Variants in MAGI3 observed in about 807,000 individuals in gnomAD.
MAGI3 encodes the protein membrane-associated guanylate kinase, WW and PDZ domain-containing protein 3.
A neutral mutation model predicts 121.8 loss-of-function variants in MAGI3; 43 were observed. That is an observed-to-expected ratio of 0.35 (90% CI 0.28 to 0.46). MAGI3 has a LOEUF of 0.46. Ranked by LOEUF, MAGI3 falls within the 20% of genes least tolerant of loss-of-function variation. The pLI is 1.00. For missense variants in MAGI3, 1,547 were observed against 1,797.3 expected (o/e 0.86, Z 2.52); for synonymous variants, 553 against 639.3 (o/e 0.86, Z 2.04).
intron 1 of MAGI3, among the ~76,000 whole-genome samples, chr1:113,484,092 G>T (rs982386446): frequency 6.6e-6 from 1 of 151,948 alleles, no homozygotes; most frequent in Non-Finnish European, 1.5e-5. Context: ...ATTCTAAAAG[G>T]GCATAATTAC....
chr1:113,617,484 CTAGA>C, intron 7 of MAGI3, among the ~76,000 whole-genome samples: 1 of 152,060 alleles, frequency 6.6e-6, no homozygotes, highest in East Asian at 1.9e-4. Flanking sequence ...GCATTTTAGT[CTAGA>C]TAGTCTAAGA....
At chr1:113,621,603 C>A (rs1290041717) in intron 8 of MAGI3, among the ~76,000 whole-genome samples, 2 of 151,754 alleles carry the variant, frequency 1.3e-5, no homozygotes, top group Non-Finnish European at 2.9e-5. Context: ...CAACATTATT[C>A]ATAATAGCCA....
At chr1:113,559,394 T>G (rs1347831479) in intron 2 of MAGI3, among the ~76,000 whole-genome samples, 1 of 151,792 alleles carries the variant, frequency 6.6e-6, no homozygotes, top group Non-Finnish European at 1.5e-5. Context: ...AATTCTAGTT[T>G]CAGACAAAAT....
At chr1:113,496,301 T>G (rs1656915210) in intron 1 of MAGI3, among the ~76,000 whole-genome samples, 1 of 152,224 alleles carries the variant, frequency 6.6e-6, no homozygotes, top group Non-Finnish European at 1.5e-5. Context: ...ATAAATAGAA[T>G]CATCATGTGT....
chr1:113,646,457 A>C (rs759247527), intron 11 of MAGI3, 29 bp from the exon 12 acceptor site: 2 of 1,556,540 alleles, frequency 1.3e-6, no homozygotes, highest in African/African-American at 2.8e-5. Context: ...TTTTTAAAAA[A>C]TACTAAGTAA....
At chr1:113,664,813 A>G (rs1281257671) in intron 16 of MAGI3, among the ~76,000 whole-genome samples, 1 of 152,088 alleles carries the variant, frequency 6.6e-6, no homozygotes, top group Non-Finnish European at 1.5e-5. Flanking sequence ...GCATCTCTTC[A>G]TATGCTTGAG....
At chr1:113,511,102 A>G (rs1657593989) in intron 1 of MAGI3, among the ~76,000 whole-genome samples, 1 of 152,138 alleles carries the variant, frequency 6.6e-6, no homozygotes, top group Non-Finnish European at 1.5e-5. Flanking sequence ...GCCTTTATAT[A>G]TTGTATTGGG....
intron 16 of MAGI3, among the ~76,000 whole-genome samples, chr1:113,669,171 C>T (rs557012531): frequency 5.3e-4 from 81 of 152,102 alleles, no homozygotes; most frequent in Non-Finnish European, 1.1e-3. Context: ...TTACAGCGAC[C>T]GAAGACAATC....
In MAGI3 at chr1:113,684,140, A is replaced by C. The variant is rs375211202; in HGVS notation, c.*126A>C. On this transcript the variant is annotated 3_prime_UTR_variant, in exon 21 of 21. Coordinates refer to ENST00000307546, the MANE Select transcript of MAGI3 (RefSeq NM_001142782.2). ...TAAGTACATGTTAATGTGAGCCTCA[A>C]GTTACCTAGGCTGCATGAAGGGCCT... 1.6e-5 allele frequency: 18 copies of C among 1,101,620 alleles called. No homozygotes were observed. The East Asian group carries it at 1.7e-4, about 10-fold the overall frequency. The allele number at this position is 1,101,620 out of a possible 1,614,324, so 68.2% of individuals were successfully genotyped here.
At chr1:113,583,745 G>A (rs1648187978) in intron 3 of MAGI3, among the ~76,000 whole-genome samples, 1 of 152,072 alleles carries the variant, frequency 6.6e-6, no homozygotes, top group Non-Finnish European at 1.5e-5. Flanking sequence ...TTCTGAGCTA[G>A]AAAGTTTGCA....
chr1:113,584,448 A>T (rs181865083), intron 3 of MAGI3, among the ~76,000 whole-genome samples: 1 of 152,310 alleles, frequency 6.6e-6, no homozygotes, highest in African/African-American at 2.4e-5. Context: ...CCTGAGAGTA[A>T]GCCAATACTG....
At chr1:113,633,553 G>A (rs966813315) in intron 9 of MAGI3, among the ~76,000 whole-genome samples, 8 of 152,164 alleles carry the variant, frequency 5.3e-5, no homozygotes, top group South Asian at 2.1e-4. Context: ...GAGCCACCGC[G>A]CCCAGCCGAA....
intron 2 of MAGI3, among the ~76,000 whole-genome samples, chr1:113,563,179 T>A (rs1660309411): frequency 6.6e-6 from 1 of 152,222 alleles, no homozygotes; most frequent in Non-Finnish European, 1.5e-5. Flanking sequence ...TGAAAATTAA[T>A]ATAGTAATAT....
In MAGI3 at chr1:113,684,581, C is replaced by G. The variant is rs1648432947; in HGVS notation, c.*567C>G. Reference sequence around the variant, plus strand: ...ATGTCCCACTTTAAAAATAAAACCCCCAAACATCACTACTTTAAGGAAAAA... The same window carrying G: ...ATGTCCCACTTTAAAAATAAAACCCGCAAACATCACTACTTTAAGGAAAAA... On this transcript the variant is annotated 3_prime_UTR_variant, in exon 21 of 21. Transcript: ENST00000307546. The G allele has an allele frequency of 2.0e-5, 3 of 151,644 alleles. No homozygotes were observed. Among genetic ancestry groups the G allele is most frequent in the Admixed American group, 1.3e-4 (2 of 15,126 alleles). The allele number at this position is 151,644 out of a possible 1,614,324, so 9.4% of individuals were successfully genotyped here.
chr1:113,637,047 C>A (rs1463604074), intron 9 of MAGI3, among the ~76,000 whole-genome samples: 5 of 152,160 alleles, frequency 3.3e-5, no homozygotes, highest in Admixed American at 6.5e-5. Flanking sequence ...ACTAGGATTG[C>A]AACCCTTGTC....
chr1:113,639,351 G>A (rs936851552), intron 9 of MAGI3, among the ~76,000 whole-genome samples: 3 of 152,202 alleles, frequency 2.0e-5, no homozygotes, highest in African/African-American at 7.2e-5. Flanking sequence ...CTGTAGACCG[G>A]AGCTGTTCCT....
At chr1:113,478,056 G>C (rs1474053668) in intron 1 of MAGI3, among the ~76,000 whole-genome samples, 1 of 152,080 alleles carries the variant, frequency 6.6e-6, no homozygotes, top group African/African-American at 2.4e-5. Context: ...CGAAGTTCTC[G>C]TGCCATGGTT....
chr1:113,562,246 C>CA (rs1354486524), intron 2 of MAGI3, among the ~76,000 whole-genome samples: 1 of 151,958 alleles, frequency 6.6e-6, no homozygotes, highest in East Asian at 1.9e-4. Context: ...TCTACCAAAA[C>CA]AAAAAAATTA....
At chr1:113,554,359 C>T (rs916225322) in intron 2 of MAGI3, among the ~76,000 whole-genome samples, 4 of 151,588 alleles carry the variant, frequency 2.6e-5, no homozygotes, top group Non-Finnish European at 4.4e-5. Context: ...AGATTCAAAA[C>T]TGGAGAAGAA....
Sources: allele counts gnomAD v4.1 joint callset (sites outside exome capture counted in the v4.1 genomes callset), GRCh38; gene constraint gnomAD v4.1.1; transcripts MANE v1.5; gene names NCBI Gene and HGNC (gene_info 2026-07-23, HGNC 2026-07-21).